Variants in ESYT3 observed in about 807,000 individuals in gnomAD.
The protein encoded by ESYT3 is extended synaptotagmin 3.
A neutral mutation model predicts 111.5 loss-of-function variants in ESYT3; 101 were observed. The observed-to-expected ratio is 0.91, with a 90% CI of 0.77 to 1.07. ESYT3 has a LOEUF of 1.07. ESYT3 is among the 50% of genes least tolerant of loss of function. ESYT3 has a pLI of 0.00. For synonymous variants in ESYT3, 416 were observed against 446.8 expected (o/e 0.93, Z 0.87); for missense variants, 1,097 against 1,109.4 (o/e 0.99, Z 0.16).
rs1001772990 is a variant in ESYT3, at chr3:138,470,944, A to G, written c.1658A>G (p.Tyr553Cys). 14 of 1,613,956 alleles carry G rather than the reference A, an allele frequency of 8.7e-6. No homozygotes were observed. The highest frequency in any genetic ancestry group is 3.3e-5 in the Admixed American group (2 of 60,004). ...GTCCCCCTGTGCCAGATCCTCCCCT[A>G]TGCTGACCTCACTCTTGAGCAGCGC... Reference protein sequence around the residue: ...LEVPLCQILPYADLTLEQRFQ... With the variant: ...LEVPLCQILPCADLTLEQRFQ... Residue 553 changes from tyrosine to cysteine, a missense_variant, in exon 17 of 23, where the codon TAT becomes TGT. Tyr to Cys is a radical substitution (Grantham distance 194). Transcript: ENST00000389567.
intron 10 of ESYT3, among the ~76,000 whole-genome samples, chr3:138,466,180 C>T (rs13098554): frequency 0.067 from 10,208 of 152,128 alleles, 724 homozygotes; most frequent in East Asian, 0.37. Flanking sequence ...ACCTTGAATG[C>T]GTATTTTTGC....
intron 10 of ESYT3, 105 bp from the exon 11 acceptor site, chr3:138,467,456 T>C: frequency 8.8e-6 from 10 of 1,137,614 alleles, no homozygotes; most frequent in Non-Finnish European, 1.3e-5. Flanking sequence ...TCTGTCTTAA[T>C]GGCCGCACTC....
intron 1 of ESYT3, among the ~76,000 whole-genome samples, chr3:138,442,962 C>T (rs574776693): frequency 1.3e-5 from 2 of 152,278 alleles, no homozygotes; most frequent in South Asian, 2.1e-4. Flanking sequence ...GTTTTTTTAA[C>T]TTCTAGGAAT....
chr3:138,458,946 T>C (rs1032113416), intron 4 of ESYT3, among the ~76,000 whole-genome samples: 4 of 152,150 alleles, frequency 2.6e-5, no homozygotes, highest in African/African-American at 9.7e-5. Context: ...CTGGGATACC[T>C]GAATGCAGGG....
rs1195757821 is a variant in ESYT3, at chr3:138,478,222, T to G, written c.*1368T>G. 6.6e-6 allele frequency: 1 copy of G among 152,214 alleles called. No homozygotes were observed. Among genetic ancestry groups the G allele is most frequent in the Admixed American group, 6.5e-5 (1 of 15,276 alleles). The allele number at this position is 152,214 out of a possible 1,614,324, so 9.4% of individuals were successfully genotyped here. A position where few individuals can be genotyped will look rare whatever the true frequency, so the allele number is the denominator to read the frequency against. On this transcript the variant is annotated 3_prime_UTR_variant, in exon 23 of 23. Transcript: ENST00000389567. ...GTTACATGCTAAGCAGCTACTTATA[T>G]TGTATTTGGTATTTAATTTTGTTTA...
chr3:138,472,704 TC>T lies in ESYT3; in HGVS notation c.2086del (p.His696ThrfsTer12). 2 of 1,614,074 alleles carry T rather than the reference TC, an allele frequency of 1.2e-6. No homozygotes were observed. The highest frequency in any genetic ancestry group is 1.7e-6 in the Non-Finnish European group (2 of 1,180,016). On this transcript the variant is annotated frameshift_variant, in exon 18 of 23. Coordinates refer to ENST00000389567, the MANE Select transcript of ESYT3 (RefSeq NM_031913.5). LOFTEE classifies it high-confidence loss of function. ...PATIFLTVPG[P>X]HSPGPIKSPR... is the part of the protein sequence containing the mutation. ...CCACCATCTTCCTGACTGTCCCAGGTCCCCACTCTCCAGGGCCCATCAAGTC... is the reference window on the plus strand; with the variant it reads ...CCACCATCTTCCTGACTGTCCCAGGTCCCACTCTCCAGGGCCCATCAAGTC...
chr3:138,438,391 T>G (rs942778397), intron 1 of ESYT3, among the ~76,000 whole-genome samples: 1 of 152,100 alleles, frequency 6.6e-6, no homozygotes, highest in Non-Finnish European at 1.5e-5. Flanking sequence ...TGGGGAGGGA[T>G]GGATATCCGG....
Position 138,473,555 on chromosome 3 carries a change from C to G in ESYT3, c.2257C>G (p.Arg753Gly), listed in dbSNP as rs199809846. Residue 753 changes from arginine to glycine, a missense_variant, in exon 19 of 23, where the codon CGG (arginine) becomes GGG (glycine). By Grantham distance (125) the Arg-to-Gly change is moderately radical. Coordinates refer to ENST00000389567, the MANE Select transcript of ESYT3 (RefSeq NM_031913.5). ...TTACAGAGGTGGGGACCTCAGGCGA[C>G]GGCAGCTGGGTGAGATTCAGCTCAC... ...LNIEGGDLRR[R>G]QLGEIQLTVR... 6.2e-7 allele frequency: 1 copy of G among 1,613,348 alleles called. No individual in the cohort carries two copies. Among genetic ancestry groups the G allele is most frequent in the Non-Finnish European group, 8.5e-7 (1 of 1,179,550 alleles).
At chr3:138,473,496 C>G (rs2033337298) in intron 18 of ESYT3, 40 bp from the exon 19 acceptor site, 3 of 1,576,888 alleles carry the variant, frequency 1.9e-6, no homozygotes, top group Middle Eastern at 1.7e-4. Context: ...AGGGCCAATG[C>G]TTGTTATGGC....
chr3:138,443,564 A>C (rs1386071355), intron 1 of ESYT3, among the ~76,000 whole-genome samples: 1 of 152,142 alleles, frequency 6.6e-6, no homozygotes, highest in South Asian at 2.1e-4. Flanking sequence ...TTCTCTCAGC[A>C]GTTAGTTAGC....
intron 3 of ESYT3, 82 bp downstream of exon 3, chr3:138,455,410 C>G (rs925256450): frequency 2.0e-6 from 3 of 1,513,744 alleles, no homozygotes; most frequent in African/African-American, 2.7e-5. Context: ...TTCTCCCACC[C>G]AGGTCAGTCA....
Position 138,434,730 on chromosome 3 carries a change from A to T in ESYT3, c.-69A>T. ...CCTCGAGCTTGGGAGACAGATGCGC[A>T]TGGGCGTGGGGGCATGCGGACCTAA... On this transcript the variant is annotated 5_prime_UTR_variant, in exon 1 of 23. The change abolishes an upstream ATG in the 5' untranslated region. Coordinates refer to ENST00000389567, the MANE Select transcript of ESYT3 (RefSeq NM_031913.5). 1 of 1,329,220 alleles carries T rather than the reference A, an allele frequency of 7.5e-7. No homozygotes were observed. Among genetic ancestry groups the T allele is most frequent in the Non-Finnish European group, 1.0e-6 (1 of 1,003,228 alleles). The allele number at this position is 1,329,220 out of a possible 1,614,324, so 82.3% of individuals were successfully genotyped here.
At chr3:138,452,952 G>T (rs1296542910) in intron 2 of ESYT3, among the ~76,000 whole-genome samples, 8 of 152,192 alleles carry the variant, frequency 5.3e-5, no homozygotes, top group Non-Finnish European at 1.2e-4. Context: ...GGGCATGGTA[G>T]CACACACCAG....
rs2033527080 is a variant in ESYT3, at chr3:138,477,233, G to GGTA, written c.*379_*380insGTA. 6.1e-6 allele frequency: 1 copy of GGTA among 165,222 alleles called. No individual in the cohort carries two copies. Among genetic ancestry groups the GGTA allele is most frequent in the African/African-American group, 2.4e-5 (1 of 41,586 alleles). The allele number at this position is 165,222 out of a possible 1,614,324, so 10.2% of individuals were successfully genotyped here. On this transcript the variant is annotated 3_prime_UTR_variant, in exon 23 of 23. Coordinates refer to ENST00000389567, the MANE Select transcript of ESYT3 (RefSeq NM_031913.5). ...GAATGTATGTACCAGAAAGTGTCCT[G>GGTA]CCTCTGGCATAGGGGCTGGGGGAGG... is the stretch of plus-strand genomic sequence containing the variant.
At chr3:138,459,439 A>C (rs1049590883) in intron 5 of ESYT3, among the ~76,000 whole-genome samples, 186 bp downstream of exon 5, 3 of 152,184 alleles carry the variant, frequency 2.0e-5, no homozygotes, top group African/African-American at 7.2e-5. Flanking sequence ...GGGCTTCACC[A>C]ACCCACTACT....
chr3:138,465,401 C>T lies in ESYT3; in HGVS notation c.1149C>T (p.Asp383=), dbSNP rs2032877722. 4 of 1,594,006 alleles carry T rather than the reference C, an allele frequency of 2.5e-6. No homozygotes were observed. The highest frequency in any genetic ancestry group is 2.2e-5 in the East Asian group (1 of 44,454). The change falls in exon 10 of 23, where the codon GAC becomes GAT. Residue 383 remains aspartate, a synonymous_variant. Transcript: ENST00000389567. ...LEVDLYDEDT[D]RDDFLGSLQI... Reference sequence around the variant, plus strand: ...TAGACCTGTATGATGAGGATACCGACAGGGATGACTTCCTGGGCAGGTGAG... The same window carrying T: ...TAGACCTGTATGATGAGGATACCGATAGGGATGACTTCCTGGGCAGGTGAG...
chr3:138,435,487 C>T lies in ESYT3; in HGVS notation c.327+362C>T, dbSNP rs576858819. Among the ~76,000 whole-genome samples, 2 of 152,364 alleles carry T rather than the reference C, an allele frequency of 1.3e-5. No homozygotes were observed. Among genetic ancestry groups the T allele is most frequent in the East Asian group, 3.9e-4 (2 of 5,180 alleles). On this transcript the variant is annotated intron_variant, in intron 1 of 22. Transcript: ENST00000389567. The surrounding 1 kb of genome is among the most constrained non-coding windows in gnomAD (Gnocchi z 4.8). ...GGTTGGAATCAGAAGGCATTTCTTC[C>T]ACCCGCCTGTTGATTCAGAGAACGA...
At chr3:138,469,394 T>G in intron 14 of ESYT3, 42 bp from the exon 15 acceptor site, 1 of 1,568,284 alleles carries the variant, frequency 6.4e-7, no homozygotes, top group Non-Finnish European at 8.8e-7. Flanking sequence ...AAGCTGATAT[T>G]GACTATGCCA....
At position 138,474,245 on chromosome 3, in the gene ESYT3, TG is replaced by T; in HGVS notation, c.2363del (p.Gly788GlufsTer24). 1.2e-6 allele frequency: 2 copies of T among 1,612,738 alleles called. No homozygotes were observed. The highest frequency in any genetic ancestry group is 1.7e-6 in the Non-Finnish European group (2 of 1,179,520). On this transcript the variant is annotated frameshift_variant, in exon 20 of 23. Coordinates refer to ENST00000389567, the MANE Select transcript of ESYT3 (RefSeq NM_031913.5). LOFTEE classifies it high-confidence loss of function. ...GAAACCTAACACCATGTACCAGCAG[TG>T]GAGCTGATCCCTACGTCCGTGTCTA... ...CRNLTPCTSSGADPYVRVYLL... is the reference protein window; with the variant it reads ...CRNLTPCTSSXADPYVRVYLL...
Sources: allele counts gnomAD v4.1 joint callset (sites outside exome capture counted in the v4.1 genomes callset), GRCh38; gene constraint gnomAD v4.1.1; non-coding constraint Gnocchi (gnomAD v3.1); transcripts MANE v1.5; gene names NCBI Gene and HGNC (gene_info 2026-07-23, HGNC 2026-07-21).